Variants in DLG2 observed in about 807,000 individuals in gnomAD.
DLG2 encodes the protein disks large homolog 2.
DLG2 carries 45 observed loss-of-function variants against 132.5 expected under a neutral mutation model. That is an observed-to-expected ratio of 0.34 (90% CI 0.27 to 0.44). The LOEUF is 0.44. Ranked by LOEUF, DLG2 falls within the 20% of genes least tolerant of loss-of-function variation. The probability of loss-of-function intolerance (pLI) is 1.00; values close to 1 mark genes in which losing one functional copy is unlikely to be tolerated. For missense variants in DLG2, 1,045 were observed against 1,196.9 expected, an observed-to-expected ratio of 0.87 and a Z score of 1.87; for synonymous variants, 424 against 419.6, an observed-to-expected ratio of 1.01 and a Z score of -0.13.
At chr11:83,623,610 G>A (rs550042863) in intron 19 of DLG2, among the ~76,000 whole-genome samples, 1 of 152,334 alleles carries the variant, frequency 6.6e-6, no homozygotes, top group African/African-American at 2.4e-5. Flanking sequence ...GCATGTGCTT[G>A]ACTCCAGCAA....
At chr11:85,119,658 C>G (rs1477470069) in intron 5 of DLG2, among the ~76,000 whole-genome samples, 1 of 151,956 alleles carries the variant, frequency 6.6e-6, no homozygotes. Flanking sequence ...ACATAAAAGA[C>G]TGTAACTTCT....
chr11:83,912,349 G>T (rs759233870), intron 15 of DLG2, among the ~76,000 whole-genome samples: 1 of 152,052 alleles, frequency 6.6e-6, no homozygotes, highest in Non-Finnish European at 1.5e-5. Context: ...ACTACAGGCT[G>T]CAAAACCTAG....
At chr11:85,501,160 C>G (rs2093793057) in intron 3 of DLG2, among the ~76,000 whole-genome samples, 1 of 152,062 alleles carries the variant, frequency 6.6e-6, no homozygotes, top group Non-Finnish European at 1.5e-5. Context: ...CAAAAACAAG[C>G]AATGGGGAAA....
intron 7 of DLG2, among the ~76,000 whole-genome samples, chr11:84,397,665 A>C (rs1330827050): frequency 6.6e-6 from 1 of 152,238 alleles, no homozygotes; most frequent in Non-Finnish European, 1.5e-5. Context: ...AACTCAGTTG[A>C]ACATTGACGT....
intron 20 of DLG2, among the ~76,000 whole-genome samples, chr11:83,533,073 TAAATC>T (rs996034580): frequency 6.6e-6 from 1 of 152,142 alleles, no homozygotes; most frequent in Non-Finnish European, 1.5e-5. Flanking sequence ...CTTAAATAAT[TAAATC>T]AAAATCTATT....
At chr11:84,022,419 C>T (rs1309644661) in intron 11 of DLG2, among the ~76,000 whole-genome samples, 1 of 152,148 alleles carries the variant, frequency 6.6e-6, no homozygotes, top group African/African-American at 2.4e-5. Flanking sequence ...GCAAAATGTG[C>T]TGGGTGAGCA....
At chr11:84,267,926 T>C (rs768728736) in intron 7 of DLG2, among the ~76,000 whole-genome samples, 1 of 152,232 alleles carries the variant, frequency 6.6e-6, no homozygotes. Flanking sequence ...GAGGCTCCAG[T>C]GCCTTTGTCT....
chr11:84,306,770 A>C (rs746814627), intron 7 of DLG2, among the ~76,000 whole-genome samples: 1 of 152,158 alleles, frequency 6.6e-6, no homozygotes, highest in East Asian at 1.9e-4. Flanking sequence ...CTTTAACAAC[A>C]CTTAAGTACC....
intron 18 of DLG2, among the ~76,000 whole-genome samples, chr11:83,634,437 T>C (rs950354128): frequency 4.6e-5 from 7 of 152,124 alleles, no homozygotes; most frequent in African/African-American, 1.7e-4. Flanking sequence ...GGCAAAACAA[T>C]GTCTTGCTTT....
chr11:85,282,814 T>C (rs1272965973), intron 4 of DLG2, among the ~76,000 whole-genome samples: 1 of 152,006 alleles, frequency 6.6e-6, no homozygotes, highest in East Asian at 1.9e-4. Flanking sequence ...CTATTCACAA[T>C]AGCAAAGACA....
chr11:83,721,057 G>A (rs1184668611), intron 18 of DLG2: 2 of 152,100 alleles, frequency 1.3e-5, no homozygotes, highest in Non-Finnish European at 2.9e-5. Flanking sequence ...TGTGAAACAT[G>A]AGGCTCAGAA....
intron 3 of DLG2, among the ~76,000 whole-genome samples, chr11:85,413,777 G>C (rs1385880943): frequency 6.6e-6 from 1 of 152,020 alleles, no homozygotes; most frequent in African/African-American, 2.4e-5. Context: ...TTTTATACCA[G>C]TGCCATGCTG....
chr11:85,242,784 T>A (rs1171972520), intron 4 of DLG2, among the ~76,000 whole-genome samples: 2 of 151,970 alleles, frequency 1.3e-5, no homozygotes, highest in Non-Finnish European at 2.9e-5. Flanking sequence ...GAAAACCTTG[T>A]CTTTCTAACA....
chr11:84,920,959 C>T (rs2092724872), intron 6 of DLG2, among the ~76,000 whole-genome samples: 1 of 152,020 alleles, frequency 6.6e-6, no homozygotes, highest in South Asian at 2.1e-4. Flanking sequence ...TTTTGGATAA[C>T]TGTAACAAGA....
At chr11:83,915,259 A>G (rs1269253497) in intron 15 of DLG2, among the ~76,000 whole-genome samples, 1 of 152,124 alleles carries the variant, frequency 6.6e-6, no homozygotes. Context: ...CAGTTCTCTG[A>G]GGAGTAAATG....
intron 4 of DLG2, among the ~76,000 whole-genome samples, chr11:85,200,808 C>T (rs547230168): frequency 9.2e-5 from 14 of 152,312 alleles, no homozygotes; most frequent in African/African-American, 3.1e-4. Flanking sequence ...AGCTCCAGCC[C>T]CAGTCTGCTG....
At chr11:83,811,554 T>C (rs1002659950) in intron 17 of DLG2, among the ~76,000 whole-genome samples, 2 of 152,124 alleles carry the variant, frequency 1.3e-5, no homozygotes, top group Admixed American at 6.6e-5. Flanking sequence ...CTAAAAAGTA[T>C]GTTTAGTGTG....
intron 6 of DLG2, among the ~76,000 whole-genome samples, chr11:84,579,068 T>G (rs2099510249): frequency 2.0e-5 from 3 of 152,188 alleles, no homozygotes; most frequent in Admixed American, 2.0e-4. Flanking sequence ...CCCGCCATGA[T>G]TCTGAGGCCT....
At chr11:83,914,685 T>C (rs1311450924) in intron 15 of DLG2, among the ~76,000 whole-genome samples, 1 of 152,134 alleles carries the variant, frequency 6.6e-6, no homozygotes, top group Non-Finnish European at 1.5e-5. Flanking sequence ...AGAGCCAGGA[T>C]CCGAACTCAA....
Sources: gnomAD v4.1 joint callset for allele counts (sites outside exome capture counted in the v4.1 genomes callset) on GRCh38, gnomAD v4.1.1 for gene constraint, MANE v1.5 for transcripts, NCBI Gene and HGNC (gene_info 2026-07-23, HGNC 2026-07-21) for gene names.